The following AGTRAP variants were observed in gnomAD, a reference collection of about 807,000 sequenced individuals.
The protein encoded by AGTRAP is type-1 angiotensin II receptor-associated protein.
AGTRAP carries 7 observed loss-of-function variants against 15.2 expected under a neutral mutation model. The observed-to-expected ratio is 0.46, with a 90% CI of 0.26 to 0.87. AGTRAP has a LOEUF of 0.87. Among genes scored for constraint, AGTRAP ranks in the 40% least tolerant of loss-of-function variants. AGTRAP has a pLI of 0.15. For synonymous variants in AGTRAP, 74 were observed against 89.6 expected (o/e 0.83, Z 0.98); for missense variants, 187 against 213.4 (o/e 0.88, Z 0.77).
intron 2 of AGTRAP, chr1:11,746,057 C>G: frequency 6.7e-7 from 1 of 1,503,292 alleles, no homozygotes; most frequent in Non-Finnish European, 9.2e-7. Context: ...CTCCCCAGGG[C>G]CTGCCCCACA....
At chr1:11,749,588 GC>G (rs1413815387) in intron 4 of AGTRAP, among the ~76,000 whole-genome samples, 3 of 152,208 alleles carry the variant, frequency 2.0e-5, no homozygotes, top group Non-Finnish European at 4.4e-5. Flanking sequence ...CTTGGACCCA[GC>G]CCCAGCCTCC....
intron 2 of AGTRAP, among the ~76,000 whole-genome samples, chr1:11,746,838 T>C (rs1286410750): frequency 1.3e-5 from 2 of 152,246 alleles, no homozygotes; most frequent in African/African-American, 2.4e-5. Flanking sequence ...AAGTCAACAA[T>C]GTCAGTATCA....
At position 11,736,255 on chromosome 1, in the gene AGTRAP, A is replaced by G. The variant is rs1641893526; in HGVS notation, c.27+20A>G. On this transcript the variant is annotated intron_variant, in intron 1 of 4. Transcript: ENST00000314340. ...CTGAAGGTGGCGACGGGCTGGGGGG[A>G]GGGTCCCCTTTGCGGGAGGAAGTGG... 1.2e-6 allele frequency: 2 copies of G among 1,603,524 alleles called. No individual in the cohort carries two copies. Among genetic ancestry groups the G allele is most frequent in the Non-Finnish European group, 8.5e-7 (1 of 1,175,972 alleles).
In AGTRAP at chr1:11,750,703, CTG is replaced by C. The variant is rs1477490689; in HGVS notation, c.*515_*516del. 4 of 219,354 alleles carry C rather than the reference CTG, an allele frequency of 1.8e-5. No homozygotes were observed. The East Asian group carries it at 3.3e-4, about 18-fold the overall frequency. The allele number at this position is 219,354 out of a possible 1,614,324, so 13.6% of individuals were successfully genotyped here. On this transcript the variant is annotated 3_prime_UTR_variant, in exon 5 of 5. Coordinates refer to ENST00000314340, the MANE Select transcript of AGTRAP (RefSeq NM_020350.5). The stretch of plus-strand genomic sequence containing the variant: ...CTGGAGGCCAGAGGTGTCAGCAACA[CTG>C]TGTCCCACCACAACCTCCAGCCTCC...
Position 11,745,710 on chromosome 1 carries a change from C to T in AGTRAP, c.28-93C>T, listed in dbSNP as rs1570344352. ...CTGAGGCCCTCAGAGGTGCCAGGCG[C>T]AGGGGCGTCCTGTGTTTTCTGCACC... On this transcript the variant is annotated intron_variant, in intron 1 of 4. Coordinates refer to ENST00000314340, the MANE Select transcript of AGTRAP (RefSeq NM_020350.5). The surrounding 1 kb of genome is among the most constrained non-coding windows in gnomAD (Gnocchi z 4.2). 7.2e-7 allele frequency: 1 copy of T among 1,390,480 alleles called. No homozygotes were observed. The highest frequency in any genetic ancestry group is 1.4e-5 in the African/African-American group (1 of 70,426). The allele number at this position is 1,390,480 out of a possible 1,614,324, so 86.1% of individuals were successfully genotyped here. A position where few individuals can be genotyped will look rare whatever the true frequency, so the allele number is the denominator to read the frequency against.
chr1:11,736,147 C>G lies in AGTRAP; in HGVS notation c.-62C>G, dbSNP rs1641887863. On this transcript the variant is annotated 5_prime_UTR_variant, in exon 1 of 5. Coordinates refer to ENST00000314340, the MANE Select transcript of AGTRAP (RefSeq NM_020350.5). ...GGGCGGGGCCGGGCAAGTTTGTTCC[C>G]CGAGTTCGGAGCCTAGGAGCCCCCC... The G allele has an allele frequency of 4.5e-6, 7 of 1,566,000 alleles. No homozygotes were observed. Among genetic ancestry groups the G allele is most frequent in the Non-Finnish European group, 6.1e-6 (7 of 1,155,388 alleles).
intron 1 of AGTRAP, among the ~76,000 whole-genome samples, chr1:11,743,917 C>T (rs182698860): frequency 1.2e-3 from 190 of 152,172 alleles, no homozygotes; most frequent in Non-Finnish European, 1.6e-3. Context: ...GTTGATGTCC[C>T]GGAGTAGAGA....
At chr1:11,739,610 CTGT>C (rs1377318377) in intron 1 of AGTRAP, among the ~76,000 whole-genome samples, 2 of 152,176 alleles carry the variant, frequency 1.3e-5, no homozygotes, top group African/African-American at 4.8e-5. Context: ...TGTCTGGGCT[CTGT>C]TGTTTGTAAG....
intron 3 of AGTRAP, 98 bp downstream of exon 3, chr1:11,747,643 C>G (rs1224635961): frequency 1.6e-6 from 2 of 1,288,068 alleles, no homozygotes; most frequent in East Asian, 2.3e-5. Flanking sequence ...AATCTTCCCC[C>G]TCTTCCTTGG....
At chr1:11,748,686 G>C in intron 4 of AGTRAP, 76 bp downstream of exon 4, 1 of 1,517,992 alleles carries the variant, frequency 6.6e-7, no homozygotes. Context: ...CTCCCTCAGT[G>C]AGCCAGCCTT....
chr1:11,737,313 G>A (rs538899773), intron 1 of AGTRAP, among the ~76,000 whole-genome samples: 4 of 152,354 alleles, frequency 2.6e-5, no homozygotes, highest in South Asian at 2.1e-4. Context: ...GTTCAGCTGG[G>A]AAGAAATTTA....
chr1:11,742,016 T>G (rs1642041347), intron 1 of AGTRAP, among the ~76,000 whole-genome samples: 2 of 152,296 alleles, frequency 1.3e-5, no homozygotes, highest in South Asian at 4.1e-4. Flanking sequence ...CCCTGGGCCC[T>G]GGAGGTAAAG....
chr1:11,738,845 C>T (rs565836839), intron 1 of AGTRAP, among the ~76,000 whole-genome samples: 1 of 152,322 alleles, frequency 6.6e-6, no homozygotes, highest in South Asian at 2.1e-4. Context: ...ATCTCACTAG[C>T]ACGTGTAACA....
At chr1:11,739,850 G>A (rs1315205448) in intron 1 of AGTRAP, among the ~76,000 whole-genome samples, 4 of 152,214 alleles carry the variant, frequency 2.6e-5, no homozygotes, top group African/African-American at 7.2e-5. Flanking sequence ...ATAGATGCTT[G>A]TCTCTGGCAG....
At chr1:11,749,380 TG>T (rs1265380706) in intron 4 of AGTRAP, among the ~76,000 whole-genome samples, 2 of 152,214 alleles carry the variant, frequency 1.3e-5, no homozygotes, top group Admixed American at 6.5e-5. Flanking sequence ...GGGAATGGCC[TG>T]GGGCTGCCCA....
chr1:11,742,912 C>G (rs1331895350), intron 1 of AGTRAP, among the ~76,000 whole-genome samples: 4 of 152,246 alleles, frequency 2.6e-5, no homozygotes, highest in Non-Finnish European at 4.4e-5. Context: ...GCAAACCTTG[C>G]CCATGTCTGC....
intron 3 of AGTRAP, 75 bp downstream of exon 3, chr1:11,747,620 C>T: frequency 1.4e-6 from 2 of 1,436,578 alleles, no homozygotes; most frequent in Non-Finnish European, 1.9e-6. Flanking sequence ...GCTCTGCTAC[C>T]CCGTCCCATC....
chr1:11,747,157 G>A (rs539649165), intron 2 of AGTRAP, among the ~76,000 whole-genome samples: 5 of 152,180 alleles, frequency 3.3e-5, no homozygotes, highest in East Asian at 1.9e-4. Flanking sequence ...ATCTGACTAC[G>A]TTACCGGTTG....
At chr1:11,739,833 C>T (rs373933918) in intron 1 of AGTRAP, among the ~76,000 whole-genome samples, 3 of 152,210 alleles carry the variant, frequency 2.0e-5, no homozygotes, top group South Asian at 4.1e-4. Context: ...TTACAGTGAC[C>T]GTCCAGATAG....
Sources: gnomAD v4.1 joint callset for allele counts (sites outside exome capture counted in the v4.1 genomes callset) on GRCh38, gnomAD v4.1.1 for gene constraint, Gnocchi (gnomAD v3.1) non-coding constraint, MANE v1.5 for transcripts, NCBI Gene and HGNC (gene_info 2026-07-23, HGNC 2026-07-21) for gene names.